The following FGD4 variants were observed in gnomAD, a reference collection of about 807,000 sequenced individuals.
The protein encoded by FGD4 is FYVE, RhoGEF and PH domain-containing protein 4.
FGD4 carries 42 observed loss-of-function variants against 102.0 expected under a neutral mutation model. That is an observed-to-expected ratio of 0.41 (90% confidence interval 0.32 to 0.53). The LOEUF (loss-of-function observed/expected upper bound fraction) is 0.53. FGD4 is among the 20% of genes least tolerant of loss of function. FGD4 has a pLI of 0.21. For synonymous variants in FGD4, 380 were observed against 375.7 expected (o/e 1.01, Z -0.13); for missense variants, 902 against 1,078.2 (o/e 0.84, Z 2.29).
chr12:32,626,526 CTA>C (rs999605871), intron 14 of FGD4, among the ~76,000 whole-genome samples: 5 of 151,212 alleles, frequency 3.3e-5, no homozygotes, highest in Admixed American at 2.0e-4. Context: ...CAGTGAAAGT[CTA>C]TATGCAAAGA....
At chr12:32,457,824 A>G (rs911160047) in intron 1 of FGD4, among the ~76,000 whole-genome samples, 1 of 152,200 alleles carries the variant, frequency 6.6e-6, no homozygotes, top group Non-Finnish European at 1.5e-5. Context: ...CAGAGTCCCT[A>G]GGGCTGAAAG....
intron 1 of FGD4, among the ~76,000 whole-genome samples, chr12:32,432,799 A>T (rs1271306819): frequency 6.6e-6 from 1 of 152,138 alleles, no homozygotes; most frequent in Admixed American, 6.5e-5. Context: ...TCCAACACCT[A>T]GAAGAGTTCC....
At chr12:32,633,387 C>T (rs1045155549) in intron 14 of FGD4, among the ~76,000 whole-genome samples, 162 bp from the exon 15 acceptor site, 1 of 152,228 alleles carries the variant, frequency 6.6e-6, no homozygotes, top group South Asian at 2.1e-4. Flanking sequence ...AGGGTTGAAA[C>T]ACCTTGATAT....
At chr12:32,633,125 C>T (rs2137019036) in intron 14 of FGD4, among the ~76,000 whole-genome samples, 1 of 152,098 alleles carries the variant, frequency 6.6e-6, no homozygotes, top group South Asian at 2.1e-4. Flanking sequence ...GAAAGAGGTT[C>T]TGGGGATGAC....
intron 1 of FGD4, among the ~76,000 whole-genome samples, chr12:32,515,356 T>A (rs1385984997): frequency 6.6e-6 from 1 of 152,130 alleles, no homozygotes. Flanking sequence ...AGGTCATGGG[T>A]TTTTGTCCTG....
rs1185965310 is a variant in FGD4 at position 32,642,796 on chromosome 12, C to T, written c.*2263C>T. ...AGAGAAGCAGTGAAACAGCCTTACC[C>T]GCTTCTCTCTTATTAAAGAATCACT... On this transcript the variant is annotated 3_prime_UTR_variant, in exon 17 of 17. Transcript: ENST00000534526. The T allele has an allele frequency of 6.6e-6, 1 of 152,342 alleles. No homozygotes were observed. The highest frequency in any genetic ancestry group is 6.5e-5 in the Admixed American group (1 of 15,268). The allele number at this position is 152,342 out of a possible 1,614,324, so 9.4% of individuals were successfully genotyped here. A position where few individuals can be genotyped will look rare whatever the true frequency, so the allele number is the denominator to read the frequency against.
intron 14 of FGD4, among the ~76,000 whole-genome samples, chr12:32,627,299 C>T (rs563074544): frequency 6.6e-6 from 1 of 152,142 alleles, no homozygotes; most frequent in East Asian, 1.9e-4. Context: ...GGATTTTGGG[C>T]ATGCACCACC....
chr12:32,645,798 A>G lies in FGD4; in HGVS notation c.*5265A>G, dbSNP rs1357653958. 6.6e-6 allele frequency: 1 copy of G among 152,232 alleles called. No homozygotes were observed. The allele number at this position is 152,232 out of a possible 1,614,324, so 9.4% of individuals were successfully genotyped here. A position where few individuals can be genotyped will look rare whatever the true frequency, so the allele number is the denominator to read the frequency against. ...AAGCGTATCTGGATTTTTCTTTTGA[A>G]TTCTTGACTGATAAGTTTGAGAATG... On this transcript the variant is annotated 3_prime_UTR_variant, in exon 17 of 17. Transcript: ENST00000534526.
intron 15 of FGD4, among the ~76,000 whole-genome samples, chr12:32,635,235 A>C (rs2137039960): frequency 6.6e-6 from 1 of 152,294 alleles, no homozygotes; most frequent in African/African-American, 2.4e-5. Context: ...GGATGGAAAG[A>C]CATGCTTCAT....
At chr12:32,614,889 A>G (rs547683008) in intron 10 of FGD4, among the ~76,000 whole-genome samples, 25 of 152,284 alleles carry the variant, frequency 1.6e-4, no homozygotes, top group African/African-American at 5.8e-4. Context: ...CCATTTTTCC[A>G]CAAACTTTTA....
At chr12:32,634,092 G>T (rs1408986844) in intron 15 of FGD4, among the ~76,000 whole-genome samples, 1 of 152,198 alleles carries the variant, frequency 6.6e-6, no homozygotes, top group African/African-American at 2.4e-5. Context: ...CAAGATTTAT[G>T]CTTTTGTTCT....
At chr12:32,432,939 A>G (rs905774431) in intron 1 of FGD4, among the ~76,000 whole-genome samples, 1 of 151,940 alleles carries the variant, frequency 6.6e-6, no homozygotes, top group Non-Finnish European at 1.5e-5. Flanking sequence ...AAACTTTATC[A>G]CCTTCTTGCC....
chr12:32,472,043 A>G (rs897703044), intron 1 of FGD4, among the ~76,000 whole-genome samples: 4 of 152,150 alleles, frequency 2.6e-5, no homozygotes, highest in Non-Finnish European at 2.9e-5. Flanking sequence ...CACTCACTCC[A>G]TTACTACATC....
intron 1 of FGD4, among the ~76,000 whole-genome samples, chr12:32,429,842 C>T (rs1941988298): frequency 6.6e-6 from 1 of 152,072 alleles, no homozygotes; most frequent in Admixed American, 6.6e-5. Context: ...TCTTTTGTTG[C>T]CATCTTGGTT....
At chr12:32,438,640 C>T (rs989503222) in intron 1 of FGD4, among the ~76,000 whole-genome samples, 5 of 149,348 alleles carry the variant, frequency 3.3e-5, no homozygotes, top group African/African-American at 4.9e-5. Context: ...GATGGAGTCT[C>T]GCTCTGTCAC....
At chr12:32,569,008 C>T (rs1329049086) in intron 2 of FGD4, among the ~76,000 whole-genome samples, 1 of 152,176 alleles carries the variant, frequency 6.6e-6, no homozygotes, top group Non-Finnish European at 1.5e-5. Flanking sequence ...CCAAAAATTG[C>T]TCTGCCTGCT....
intron 1 of FGD4, among the ~76,000 whole-genome samples, chr12:32,512,291 T>G (rs1030643281): frequency 6.6e-6 from 1 of 151,730 alleles, no homozygotes; most frequent in Non-Finnish European, 1.5e-5. Flanking sequence ...TACTAAAAAT[T>G]AAAAAATTAG....
chr12:32,439,481 A>C (rs1204062786), intron 1 of FGD4, among the ~76,000 whole-genome samples: 2 of 152,200 alleles, frequency 1.3e-5, no homozygotes, highest in African/African-American at 2.4e-5. Context: ...CCAGTTACCC[A>C]GTAGTGAGAT....
chr12:32,433,562 C>G (rs1277097607), intron 1 of FGD4, among the ~76,000 whole-genome samples: 1 of 151,956 alleles, frequency 6.6e-6, no homozygotes, highest in Non-Finnish European at 1.5e-5. Context: ...GTCTTGAACT[C>G]CTGACCTCAG....
Sources: allele counts gnomAD v4.1 joint callset (sites outside exome capture counted in the v4.1 genomes callset), GRCh38; gene constraint gnomAD v4.1.1; transcripts MANE v1.5; gene names NCBI Gene and HGNC (gene_info 2026-07-23, HGNC 2026-07-21).